The following ARHGEF38 variants were observed in gnomAD, a reference collection of about 807,000 sequenced individuals.
The protein encoded by ARHGEF38 is Rho guanine nucleotide exchange factor 38, also known as Rho guanine nucleotide exchange factor (GEF) 38.
Under a neutral mutation model 79.9 loss-of-function variants are expected in ARHGEF38, and 79 were observed. The observed-to-expected ratio is 0.99, with a 90% confidence interval of 0.82 to 1.19. ARHGEF38 has a LOEUF of 1.19. Among genes scored for constraint, ARHGEF38 ranks in the 50% most tolerant of loss-of-function variants. The pLI is 0.00. For synonymous variants in ARHGEF38, 366 were observed against 328.3 expected (o/e 1.11, Z -1.24); for missense variants, 962 against 907.2 (o/e 1.06, Z -0.78).
intron 1 of ARHGEF38, chr4:105,563,214 A>G (rs1476087070): frequency 1.3e-5 from 2 of 152,202 alleles, no homozygotes; most frequent in Non-Finnish European, 2.9e-5. Flanking sequence ...ATAAAGCAAT[A>G]TAGGAGCTAT....
intron 2 of ARHGEF38, among the ~76,000 whole-genome samples, chr4:105,603,904 T>TC (rs1560715251): frequency 6.6e-6 from 1 of 152,200 alleles, no homozygotes; most frequent in African/African-American, 2.4e-5. Flanking sequence ...GCAAACCATC[T>TC]CCCGCTCACT....
At chr4:105,660,728 C>G (rs529929275) in intron 10 of ARHGEF38, among the ~76,000 whole-genome samples, 1 of 152,218 alleles carries the variant, frequency 6.6e-6, no homozygotes, top group Non-Finnish European at 1.5e-5. Flanking sequence ...GCATGAGCCA[C>G]TGCGCCCAGC....
At chr4:105,560,202 C>G (rs534521289) in intron 1 of ARHGEF38, among the ~76,000 whole-genome samples, 2 of 152,242 alleles carry the variant, frequency 1.3e-5, no homozygotes. Flanking sequence ...TGGCATGTCC[C>G]TGCCAGACTG....
intron 1 of ARHGEF38, among the ~76,000 whole-genome samples, chr4:105,557,648 C>T (rs2110389688): frequency 6.6e-6 from 1 of 151,108 alleles, no homozygotes; most frequent in South Asian, 2.1e-4. Flanking sequence ...CTGCTCTCAG[C>T]CATGTCAGGA....
chr4:105,560,336 T>C (rs924660530), intron 1 of ARHGEF38, among the ~76,000 whole-genome samples: 4 of 152,318 alleles, frequency 2.6e-5, no homozygotes, highest in African/African-American at 9.6e-5. Flanking sequence ...TTGCGTATCT[T>C]GACACTGAAA....
At chr4:105,576,349 T>A (rs1459649918) in intron 1 of ARHGEF38, among the ~76,000 whole-genome samples, 1 of 152,048 alleles carries the variant, frequency 6.6e-6, no homozygotes, top group African/African-American at 2.4e-5. Flanking sequence ...GTTCTCTTTG[T>A]AGAGAATTTT....
intron 5 of ARHGEF38, among the ~76,000 whole-genome samples, chr4:105,638,612 T>C (rs1268060299): frequency 6.6e-6 from 1 of 152,142 alleles, no homozygotes; most frequent in Non-Finnish European, 1.5e-5. Flanking sequence ...AGCAGTCACA[T>C]TCCAAAGCTA....
At chr4:105,583,685 T>A (rs1726901934) in intron 1 of ARHGEF38, among the ~76,000 whole-genome samples, 1 of 152,160 alleles carries the variant, frequency 6.6e-6, no homozygotes, top group Admixed American at 6.6e-5. Context: ...CTTCCCCAAC[T>A]AGAAGTAAAG....
intron 3 of ARHGEF38, among the ~76,000 whole-genome samples, chr4:105,628,986 G>T (rs908934178): frequency 3.3e-5 from 5 of 152,072 alleles, no homozygotes; most frequent in African/African-American, 1.2e-4. Context: ...ATTCTCAAAT[G>T]AATCTCAATG....
At chr4:105,560,579 G>C (rs1381933767) in intron 1 of ARHGEF38, among the ~76,000 whole-genome samples, 1 of 152,148 alleles carries the variant, frequency 6.6e-6, no homozygotes, top group Admixed American at 6.6e-5. Flanking sequence ...CTTAAATGCA[G>C]CAGGAACACA....
chr4:105,633,912 A>G (rs185212885), intron 4 of ARHGEF38, among the ~76,000 whole-genome samples: 21 of 152,298 alleles, frequency 1.4e-4, no homozygotes, highest in Admixed American at 3.9e-4. Context: ...AAAGAGTAGT[A>G]GAGATATTAC....
Position 105,667,474 on chromosome 4 carries a change from T to C in ARHGEF38, c.1919T>C (p.Leu640Pro), listed in dbSNP as rs1164866360. Residue 640 changes from leucine to proline, a missense_variant, in exon 13 of 14, where the codon CTA becomes CCA. By Grantham distance (98) the Leu-to-Pro change is moderately conservative. Coordinates refer to ENST00000420470, the MANE Select transcript of ARHGEF38 (RefSeq NM_001242729.2). ...NVKGYVYSSF[L>P]KPYNPAKMQK... ...AAAGGATATGTTTATTCCTCCTTCC[T>C]AAAACCCTACAATCCAGCAAAAATG... 3 of 1,536,144 alleles carry C rather than the reference T, an allele frequency of 2.0e-6. No homozygotes were observed. The highest frequency in any genetic ancestry group is 2.6e-6 in the Non-Finnish European group (3 of 1,146,948).
chr4:105,597,485 G>C (rs1727633636), intron 2 of ARHGEF38, among the ~76,000 whole-genome samples: 1 of 152,048 alleles, frequency 6.6e-6, no homozygotes, highest in Non-Finnish European at 1.5e-5. Flanking sequence ...AAATCACCCA[G>C]CTACCCTTCC....
At chr4:105,559,146 T>C (rs1369687775) in intron 1 of ARHGEF38, among the ~76,000 whole-genome samples, 2 of 152,134 alleles carry the variant, frequency 1.3e-5, no homozygotes, top group Non-Finnish European at 2.9e-5. Flanking sequence ...CTGATAAAAG[T>C]AGAATTATTG....
chr4:105,662,796 G>C (rs1730610924), intron 10 of ARHGEF38, among the ~76,000 whole-genome samples: 1 of 152,130 alleles, frequency 6.6e-6, no homozygotes, highest in South Asian at 2.1e-4. Flanking sequence ...AGTCAGAAAA[G>C]ACATGTTATT....
At chr4:105,614,730 T>C (rs1431364766) in intron 3 of ARHGEF38, among the ~76,000 whole-genome samples, 1 of 152,188 alleles carries the variant, frequency 6.6e-6, no homozygotes, top group Non-Finnish European at 1.5e-5. Context: ...ACTAACTCAT[T>C]AGTGTGAATT....
intron 7 of ARHGEF38, among the ~76,000 whole-genome samples, chr4:105,651,153 T>A (rs1282600898): frequency 6.6e-6 from 1 of 152,242 alleles, no homozygotes; most frequent in Admixed American, 6.5e-5. Flanking sequence ...CTTCTTATAT[T>A]TCTCAATTGT....
chr4:105,681,266 G>A (rs963247806), downstream of ARHGEF38, among the ~76,000 whole-genome samples: 9 of 151,156 alleles, frequency 6.0e-5, no homozygotes, highest in Non-Finnish European at 1.0e-4. Flanking sequence ...TAACAGAGCA[G>A]TTTAAAATAA....
Position 105,552,668 on chromosome 4 carries a change from C to A in ARHGEF38, c.-98C>A. On this transcript the variant is annotated 5_prime_UTR_variant, in exon 1 of 14. Transcript: ENST00000420470. ...GTGAAGCGGTTTAGTTAGAAGGGAG[C>A]AGATAAACTCGTCACTCTAGTAGCT... The A allele has an allele frequency of 1.1e-6, 1 of 951,616 alleles. No individual in the cohort carries two copies. The highest frequency in any genetic ancestry group is 1.5e-6 in the Non-Finnish European group (1 of 646,250). The allele number at this position is 951,616 out of a possible 1,614,324, so 58.9% of individuals were successfully genotyped here.
Sources: allele counts gnomAD v4.1 joint callset (sites outside exome capture counted in the v4.1 genomes callset), GRCh38; gene constraint gnomAD v4.1.1; transcripts MANE v1.5; gene names NCBI Gene and HGNC (gene_info 2026-07-23, HGNC 2026-07-21).